Variants in SMCHD1 observed in about 807,000 individuals in gnomAD.
SMCHD1 encodes structural maintenance of chromosomes flexible hinge domain containing 1, also known as structural maintenance of chromosomes flexible hinge domain-containing protein 1.
In SMCHD1, 78 loss-of-function variants were observed where a neutral mutation model predicts 254.7. The observed-to-expected ratio is 0.31, with a 90% CI of 0.26 to 0.37. The LOEUF is 0.37. SMCHD1 is among the 10% of genes least tolerant of loss of function. SMCHD1 has a pLI of 1.00. For missense variants in SMCHD1, 1,840 were observed against 2,408.1 expected (o/e 0.76, Z 4.94); for synonymous variants, 766 against 794.9 (o/e 0.96, Z 0.61).
intron 2 of SMCHD1, 26 bp downstream of exon 2, chr18:2,666,258 A>T: frequency 9.3e-7 from 1 of 1,073,820 alleles, no homozygotes; most frequent in Non-Finnish European, 1.4e-6. Context: ...TACTAAGTTG[A>T]TGCTTTTATA....
At chr18:2,790,195 A>G (rs1257391512) in intron 45 of SMCHD1, among the ~76,000 whole-genome samples, 1 of 152,100 alleles carries the variant, frequency 6.6e-6, no homozygotes. Context: ...AATAAATAAA[A>G]TAATAACTCA....
rs369561723 is a variant in SMCHD1 at position 2,681,862 on chromosome 18, G to C, written c.639-6532G>C. Among the ~76,000 whole-genome samples the C allele has an allele frequency of 1.4e-4, 21 of 152,230 alleles. No individual in the cohort carries two copies. The South Asian group carries it at 4.1e-3, about 30-fold the overall frequency. ...ACTCAGAGCCATTTTGTTGAAATAT[G>C]AATAAGTAAAAATGCTACATGACCC... On this transcript the variant is annotated intron_variant, in intron 5 of 47. Transcript: ENST00000320876.
Position 2,708,873 on chromosome 18 carries a change from T to TAC in SMCHD1, c.2260+954_2260+955insCA, listed in dbSNP as rs1423469337. On this transcript the variant is annotated intron_variant, in intron 17 of 47. Transcript: ENST00000320876. ...CTTCTATTTTCAATAACTTCATATA[T>TAC]ATATATATATATATATATATATATA... Among the ~76,000 whole-genome samples, 25 of 34,756 alleles carry TAC rather than the reference T, an allele frequency of 7.2e-4. No homozygotes were observed. The East Asian group carries it at 0.027, about 38-fold the overall frequency. 22.8% of individuals were successfully genotyped at this position (34,756 alleles called of 152,430 possible).
At chr18:2,750,192 C>G in intron 31 of SMCHD1, 70 bp downstream of exon 31, 1 of 1,450,362 alleles carries the variant, frequency 6.9e-7, no homozygotes, top group Non-Finnish European at 9.4e-7. Context: ...GCCGAAGTTA[C>G]AGCTAATGAC....
At chr18:2,706,496 C>CA (rs2074517277) in intron 15 of SMCHD1, 26 bp downstream of exon 15, 9 of 1,465,544 alleles carry the variant, frequency 6.1e-6, no homozygotes, top group Non-Finnish European at 8.4e-6. Context: ...AGATGCATGA[C>CA]AAAAATAAGA....
chr18:2,723,413 G>A (rs956711189), intron 20 of SMCHD1, among the ~76,000 whole-genome samples: 1 of 151,970 alleles, frequency 6.6e-6, no homozygotes, highest in African/African-American at 2.4e-5. Flanking sequence ...GAAAGAGTGT[G>A]GAGAGGCTGT....
At chr18:2,697,292 GTATTTTTCTCAAACCTT>G in intron 9 of SMCHD1, 170 bp downstream of exon 9, 2 of 440,366 alleles carry the variant, frequency 4.5e-6, no homozygotes, top group East Asian at 7.7e-5. Context: ...ATTCCTAGAT[GTATTTTTCTCAAACCTT>G]TATTTACTGT....
At position 2,784,450 on chromosome 18, in the gene SMCHD1, G is replaced by A. The variant is rs1469039491; in HGVS notation, c.5548G>A (p.Val1850Ile). Reference protein sequence around the residue: ...LDAANHYRKEVVKITHCPTLL... With the variant: ...LDAANHYRKEIVKITHCPTLL... ...CTTACTATTCACTTATTTACAATAG[G>A]TTGTTAAAATTACACACTGTCCTAC... The change falls in exon 45 of 48, where the codon GTT (valine) becomes ATT (isoleucine). Residue 1850 changes from valine to isoleucine, a missense_variant and splice_region_variant. Around this residue, in one of 9 missense-constraint regions of SMCHD1, gnomAD observed 114 missense variants for 217.6 expected, o/e 0.52. Coordinates refer to ENST00000320876, the MANE Select transcript of SMCHD1 (RefSeq NM_015295.3). 6.2e-7 allele frequency: 1 copy of A among 1,604,070 alleles called. No homozygotes were observed. Among genetic ancestry groups the A allele is most frequent in the Non-Finnish European group, 8.5e-7 (1 of 1,175,942 alleles).
intron 47 of SMCHD1, among the ~76,000 whole-genome samples, chr18:2,799,833 G>A (rs2076328037): frequency 6.6e-6 from 1 of 151,680 alleles, no homozygotes; most frequent in Admixed American, 6.6e-5. Flanking sequence ...TAGTAACTGT[G>A]CAGGCCTCCT....
chr18:2,665,343 C>T (rs1350010810), intron 1 of SMCHD1, among the ~76,000 whole-genome samples: 4 of 150,590 alleles, frequency 2.7e-5, no homozygotes, highest in Non-Finnish European at 5.9e-5. Context: ...TTCTTTGAGA[C>T]GGAGTCTCAT....
chr18:2,748,102 G>A (rs1036673696), intron 30 of SMCHD1, among the ~76,000 whole-genome samples: 3 of 152,170 alleles, frequency 2.0e-5, no homozygotes, highest in African/African-American at 7.2e-5. Flanking sequence ...CCTGGGCAGA[G>A]CTACTGGAAC....
intron 3 of SMCHD1, among the ~76,000 whole-genome samples, chr18:2,670,107 G>A (rs993668281): frequency 6.6e-6 from 1 of 152,134 alleles, no homozygotes; most frequent in Non-Finnish European, 1.5e-5. Context: ...GTCACTCGCT[G>A]CTGAAAACAC....
rs763885639 is a variant in SMCHD1, at chr18:2,759,569, C to CTTT, written c.4347-1082_4347-1081insTTT. Among the ~76,000 whole-genome samples the CTTT allele has an allele frequency of 9.9e-3, 364 of 36,934 alleles. 21 individuals carry two copies. Among genetic ancestry groups the CTTT allele is most frequent in the African/African-American group, 0.011 (90 of 8,040 alleles). The allele number at this position is 36,934 out of a possible 152,430, so 24.2% of individuals were successfully genotyped here. On this transcript the variant is annotated intron_variant, in intron 34 of 47. Transcript: ENST00000320876. ...GGAAGCAGAAGTCCGTTTTAATTCTCTCTTTTTTTTTTTTTTTTGAGATAG... is the reference window on the plus strand; with the variant it reads ...GGAAGCAGAAGTCCGTTTTAATTCTCTTTTCTTTTTTTTTTTTTTTTGAGATAG...
chr18:2,675,320 A>G (rs904275727), intron 5 of SMCHD1, among the ~76,000 whole-genome samples: 2 of 137,264 alleles, frequency 1.5e-5, no homozygotes, highest in East Asian at 4.2e-4. Flanking sequence ...GCTGAAGTGC[A>G]GTTGTGCAAT....
Position 2,700,851 on chromosome 18 carries a change from C to A in SMCHD1, c.1580C>A (p.Thr527Lys). ...TTCCAGGTCAGCACAAATAAATTGA[C>A]GTTTATGGATCTTGAGCTAAAATTG... ...DKFQVSTNKL[T>K]FMDLELKLKD... is the part of the protein sequence containing the mutation. The change falls in exon 12 of 48, where the codon ACG becomes AAG. Residue 527 changes from threonine (T) to lysine (K), a missense_variant. Around this residue, in one of 9 missense-constraint regions of SMCHD1, gnomAD observed 498 missense variants for 743.5 expected, o/e 0.67. Transcript: ENST00000320876. 6.2e-7 allele frequency: 1 copy of A among 1,612,798 alleles called. No homozygotes were observed. The highest frequency in any genetic ancestry group is 8.5e-7 in the Non-Finnish European group (1 of 1,179,330).
chr18:2,740,820 A>T lies in SMCHD1; in HGVS notation c.3632A>T (p.Gln1211Leu), dbSNP rs1183787341. 6.4e-7 allele frequency: 1 copy of T among 1,563,028 alleles called. No individual in the cohort carries two copies. The highest frequency in any genetic ancestry group is 1.1e-5 in the South Asian group (1 of 88,202). The change falls in exon 28 of 48, where the codon CAG (glutamine) becomes CTG (leucine). Residue 1211 changes from glutamine to leucine, a missense_variant and splice_region_variant. Coordinates refer to ENST00000320876, the MANE Select transcript of SMCHD1 (RefSeq NM_015295.3). ...AGCTCAAATTTGAAAACAACCTTTC[A>T]GGTATGGCTACTTTCTATACCATTT... is the stretch of plus-strand genomic sequence containing the variant. ...LDSSNLKTTF[Q>L]ENTQSISVRG...
At chr18:2,709,046 T>C (rs189630456) in intron 17 of SMCHD1, among the ~76,000 whole-genome samples, 1 of 149,432 alleles carries the variant, frequency 6.7e-6, no homozygotes, top group Admixed American at 6.7e-5. Context: ...CACTCCTTTC[T>C]CCCTGCCCTG....
At chr18:2,768,713 A>AGTAGTATAG (rs2075921718) in intron 37 of SMCHD1, among the ~76,000 whole-genome samples, 1 of 109,468 alleles carries the variant, frequency 9.1e-6, no homozygotes, top group Admixed American at 1.0e-4. Context: ...ATACTATACT[A>AGTAGTATAG]TACATAAATT....
At chr18:2,688,117 A>G (rs1247716818) in intron 5 of SMCHD1, among the ~76,000 whole-genome samples, 2 of 152,218 alleles carry the variant, frequency 1.3e-5, no homozygotes, top group African/African-American at 4.8e-5. Context: ...AAAAATACTT[A>G]TTTAGTCCTG....
Sources: gnomAD v4.1 joint callset for allele counts (sites outside exome capture counted in the v4.1 genomes callset) on GRCh38, gnomAD v4.1.1 for gene constraint, gnomAD v4.1.1 regional missense constraint, MANE v1.5 for transcripts, NCBI Gene and HGNC (gene_info 2026-07-23, HGNC 2026-07-21) for gene names.